The following LIMS1 variants were observed in gnomAD, a reference collection of about 807,000 sequenced individuals.
The protein encoded by LIMS1 is LIM and senescent cell antigen-like-containing domain protein 1.
LIMS1 carries 18 observed loss-of-function variants against 44.1 expected under a neutral mutation model. The ratio of observed to expected loss-of-function variants is 0.41; its 90% CI spans 0.28 to 0.61. The LOEUF is 0.61. Ranked by LOEUF, LIMS1 falls within the 20% of genes least tolerant of loss-of-function variation. The pLI is 0.32. For synonymous variants in LIMS1, 93 were observed against 149.1 expected (o/e 0.62, Z 2.74); for missense variants, 201 against 422.0 (o/e 0.48, Z 4.59).
intron 5 of LIMS1, among the ~76,000 whole-genome samples, chr2:108,675,075 G>A (rs1163582611): frequency 6.6e-6 from 1 of 152,092 alleles, no homozygotes; most frequent in Non-Finnish European, 1.5e-5. Context: ...TCAACAGCTT[G>A]TGACAATTTA....
At position 108,552,592 on chromosome 2, in the gene LIMS1, G is replaced by GTGTGTGTGTGTGTA. The variant is rs1553451193; in HGVS notation, c.32+18011_32+18012insATGTGTGTGTGTGT. Among the ~76,000 whole-genome samples, 86 of 125,452 alleles carry GTGTGTGTGTGTGTA rather than the reference G, an allele frequency of 6.9e-4. No individual in the cohort carries two copies. In the East Asian group the frequency reaches 7.3e-3, roughly 11 times the overall value. The allele number at this position is 125,452 out of a possible 152,430, so 82.3% of individuals were successfully genotyped here. A position where few individuals can be genotyped will look rare whatever the true frequency, so the allele number is the denominator to read the frequency against. ...GTATATATATATATTTTGGGTGTGT[G>GTGTGTGTGTGTGTA]TGTGTGTGTGTGTGTGTGTGTTTTT... is the stretch of plus-strand genomic sequence containing the variant. On this transcript the variant is annotated intron_variant, in intron 1 of 9. Coordinates refer to ENST00000544547, the Ensembl canonical transcript of LIMS1.
intron 1 of LIMS1, among the ~76,000 whole-genome samples, chr2:108,636,641 G>T (rs926488492): frequency 6.6e-6 from 1 of 152,184 alleles, no homozygotes; most frequent in Non-Finnish European, 1.5e-5. Context: ...GACACAAGGG[G>T]GTCTGTCTAA....
rs191874041 is a variant in LIMS1 at position 108,543,951 on chromosome 2, G to A, written c.32+9357G>A. On this transcript the variant is annotated intron_variant, in intron 1 of 9. Coordinates refer to ENST00000544547, the Ensembl canonical transcript of LIMS1. ...CCAGCTACTCAGGAGGCTGAGGTGGGAGGATCACTTGAGCCTGGGAGGTTG... is the reference window on the plus strand; with the variant it reads ...CCAGCTACTCAGGAGGCTGAGGTGGAAGGATCACTTGAGCCTGGGAGGTTG... 4.1e-3 allele frequency among the ~76,000 whole-genome samples: 631 copies of A among 152,288 alleles called. 3 individuals are homozygous for A. Among genetic ancestry groups the A allele is most frequent in the Non-Finnish European group, 5.3e-3 (361 of 68,018 alleles).
intron 1 of LIMS1, among the ~76,000 whole-genome samples, chr2:108,642,252 G>T (rs1689717469): frequency 6.6e-6 from 1 of 151,532 alleles, no homozygotes; most frequent in Non-Finnish European, 1.5e-5. Context: ...GTCTAGTTTG[G>T]CTTTTAAATC....
intron 1 of LIMS1, among the ~76,000 whole-genome samples, chr2:108,640,583 C>A (rs757469188): frequency 2.0e-5 from 3 of 152,128 alleles, no homozygotes; most frequent in Non-Finnish European, 4.4e-5. Flanking sequence ...CCTGAGTGGC[C>A]ACTCTCTTTT....
chr2:108,686,546 C>G (rs112643030), exon 10 of LIMS1: 7 of 150,168 alleles, frequency 4.7e-5, no homozygotes, highest in Non-Finnish European at 8.9e-5. Context: ...CCGAGGGGGG[C>G]GGATCACGAG....
At chr2:108,609,429 C>G (rs1272998489) in intron 1 of LIMS1, among the ~76,000 whole-genome samples, 2 of 152,138 alleles carry the variant, frequency 1.3e-5, no homozygotes, top group Non-Finnish European at 2.9e-5. Context: ...CAGCCTGGCT[C>G]TCACTCTTCA....
chr2:108,615,080 C>T (rs1018351294), intron 1 of LIMS1, among the ~76,000 whole-genome samples: 4 of 137,812 alleles, frequency 2.9e-5, no homozygotes, highest in East Asian at 3.3e-4. Context: ...GAATCTATAG[C>T]GTATAGTTGT....
At chr2:108,579,070 C>G (rs1685788174) in intron 1 of LIMS1, among the ~76,000 whole-genome samples, 2 of 152,002 alleles carry the variant, frequency 1.3e-5, no homozygotes, top group Non-Finnish European at 2.9e-5. Flanking sequence ...AGTTTCATGC[C>G]AAAGTGTTGT....
intron 1 of LIMS1, among the ~76,000 whole-genome samples, chr2:108,620,317 G>C (rs1235367635): frequency 1.3e-5 from 2 of 152,178 alleles, no homozygotes; most frequent in African/African-American, 2.4e-5. Flanking sequence ...AAAGAGGCTG[G>C]TATAAATTGC....
intron 1 of LIMS1, among the ~76,000 whole-genome samples, chr2:108,624,844 C>T (rs1036632509): frequency 6.6e-6 from 1 of 152,168 alleles, no homozygotes; most frequent in Non-Finnish European, 1.5e-5. Context: ...TTTGGGAGGC[C>T]GAGGCAGGCA....
At chr2:108,567,334 C>T (rs561972042) in intron 1 of LIMS1, among the ~76,000 whole-genome samples, 2 of 152,190 alleles carry the variant, frequency 1.3e-5, no homozygotes, top group South Asian at 2.1e-4. Flanking sequence ...GATGGAGTCT[C>T]GTCCAGGGTT....
intron 1 of LIMS1, among the ~76,000 whole-genome samples, chr2:108,609,607 T>C (rs1012974725): frequency 2.6e-5 from 4 of 152,218 alleles, no homozygotes; most frequent in African/African-American, 9.7e-5. Flanking sequence ...TCTTTCACAA[T>C]GTAACATATC....
chr2:108,610,299 T>G (rs1250240283), intron 1 of LIMS1, among the ~76,000 whole-genome samples: 1 of 152,106 alleles, frequency 6.6e-6, no homozygotes, highest in East Asian at 1.9e-4. Context: ...TTCTTCTGCC[T>G]TGGCCTCCCA....
intron 1 of LIMS1, among the ~76,000 whole-genome samples, chr2:108,607,689 T>G (rs562256422): frequency 6.6e-6 from 1 of 152,340 alleles, no homozygotes; most frequent in South Asian, 2.1e-4. Flanking sequence ...ATAGTTTATA[T>G]CCCTTAACTT....
intron 2 of LIMS1, among the ~76,000 whole-genome samples, chr2:108,667,549 A>ATATATATATATAT (rs1321611682): frequency 6.8e-5 from 5 of 73,432 alleles, no homozygotes; most frequent in African/African-American, 2.2e-4. Context: ...AAAAAAAAAA[A>ATATATATATATAT]AAATATATAT....
At chr2:108,587,461 G>A (rs1234708999) in intron 1 of LIMS1, among the ~76,000 whole-genome samples, 1 of 151,914 alleles carries the variant, frequency 6.6e-6, no homozygotes, top group Non-Finnish European at 1.5e-5. Context: ...GCCTCCCAGA[G>A]CACTGAGATT....
At chr2:108,582,531 G>A (rs1685927247) in intron 1 of LIMS1, among the ~76,000 whole-genome samples, 1 of 152,192 alleles carries the variant, frequency 6.6e-6, no homozygotes, top group East Asian at 1.9e-4. Context: ...CACTTTGGGA[G>A]GCCAAGGTCG....
chr2:108,588,536 G>T (rs1686213772), intron 1 of LIMS1: 2 of 985,644 alleles, frequency 2.0e-6, no homozygotes, highest in South Asian at 4.7e-5. Flanking sequence ...AACTGGGCCT[G>T]TGTGTGTAAA....
Sources: allele counts gnomAD v4.1 joint callset (sites outside exome capture counted in the v4.1 genomes callset), GRCh38; gene constraint gnomAD v4.1.1; transcripts MANE v1.5; gene names NCBI Gene and HGNC (gene_info 2026-07-23, HGNC 2026-07-21).